The following ZFYVE21 variants were observed in gnomAD, a reference collection of about 807,000 sequenced individuals.
The protein encoded by ZFYVE21 is zinc finger FYVE domain-containing protein 21.
Under a neutral mutation model 29.5 loss-of-function variants are expected in ZFYVE21, and 21 were observed. The observed-to-expected ratio is 0.71, with a 90% CI of 0.50 to 1.02. ZFYVE21 has a LOEUF of 1.02. ZFYVE21 is among the 50% of genes least tolerant of loss of function. ZFYVE21 has a pLI of 0.00. For synonymous variants in ZFYVE21, 151 were observed against 133.8 expected, an observed-to-expected ratio of 1.13 and a Z score of -0.89; for missense variants, 326 against 335.4, an observed-to-expected ratio of 0.97 and a Z score of 0.22.
intron 5 of ZFYVE21, 154 bp from the exon 6 acceptor site, chr14:103,732,466 T>C (rs2083990487): frequency 1.2e-6 from 1 of 858,964 alleles, no homozygotes; most frequent in South Asian, 2.5e-5. Context: ...GAGGAGATGG[T>C]GTTCCCTGGG....
intron 1 of ZFYVE21, among the ~76,000 whole-genome samples, chr14:103,718,172 A>C (rs908856760): frequency 6.6e-6 from 1 of 152,206 alleles, no homozygotes; most frequent in African/African-American, 2.4e-5. Context: ...AGAACTTGGC[A>C]GGTGGGTAAC....
chr14:103,726,789 T>C lies in ZFYVE21; in HGVS notation c.139-3T>C, dbSNP rs368245977. On this transcript the variant is annotated splice_region_variant and splice_polypyrimidine_tract_variant and intron_variant, in intron 1 of 6. Transcript: ENST00000311141. The stretch of plus-strand genomic sequence containing the variant: ...TTTTAACGCTTTGTCGTGTCTTTCC[T>C]AGTGTCGGAGATGTATGCAGTGTGA... 6.2e-7 allele frequency: 1 copy of C among 1,613,804 alleles called. No individual in the cohort carries two copies.
chr14:103,727,531 AT>A, intron 2 of ZFYVE21: 1 of 707,788 alleles, frequency 1.4e-6, no homozygotes, highest in Non-Finnish European at 2.5e-6. Flanking sequence ...TTGATCCATG[AT>A]TTTGAAAAAA....
chr14:103,728,537 T>A (rs2083948990), intron 3 of ZFYVE21, among the ~76,000 whole-genome samples: 2 of 152,176 alleles, frequency 1.3e-5, no homozygotes. Flanking sequence ...TGGGCTTTGT[T>A]GTGCCTCCTT....
intron 1 of ZFYVE21, among the ~76,000 whole-genome samples, chr14:103,723,528 T>C (rs1020531136): frequency 4.6e-5 from 7 of 152,200 alleles, no homozygotes; most frequent in Non-Finnish European, 8.8e-5. Context: ...TCGTGGGATC[T>C]CACAAAGCTC....
chr14:103,728,857 A>T, intron 3 of ZFYVE21, 51 bp from the exon 4 acceptor site: 1 of 1,577,958 alleles, frequency 6.3e-7, no homozygotes, highest in Non-Finnish European at 8.7e-7. Context: ...GGGAAGGGTT[A>T]GGTGGAAAAG....
rs369964105 is a variant in ZFYVE21 at position 103,732,974 on chromosome 14, G to A, written c.670-9G>A. ...AGGCCTCACTGTGTTGATCTTGTCT[G>A]ATCTGCAGGCTGCCAAGCTCCTCTA... On this transcript the variant is annotated splice_polypyrimidine_tract_variant and intron_variant, in intron 6 of 6. Transcript: ENST00000311141. 6.2e-6 allele frequency: 10 copies of A among 1,614,026 alleles called. No individual in the cohort carries two copies. Among genetic ancestry groups the A allele is most frequent in the Non-Finnish European group, 8.5e-6 (10 of 1,180,042 alleles).
rs747467782 is a variant in ZFYVE21, at chr14:103,732,748, G to A, written c.655G>A (p.Val219Met). 1 of 1,612,690 alleles carries A rather than the reference G, an allele frequency of 6.2e-7. No individual in the cohort carries two copies. Among genetic ancestry groups the A allele is most frequent in the South Asian group, 1.1e-5 (1 of 90,904 alleles). ...VGRRQAVAWLVAMHKAAKLLY... is the reference protein window; with the variant it reads ...VGRRQAVAWLMAMHKAAKLLY... ...CAGGAGGCAGGCGGTGGCGTGGCTA[G>A]TGGCCATGCACAAGGTACCTGAGCC... The change falls in exon 6 of 7, where the codon GTG (valine) becomes ATG (methionine). Residue 219 changes from valine (V) to methionine (M), a missense_variant. Physicochemically the swap from Val to Met is conservative, Grantham distance 21 (BLOSUM62 1). Transcript: ENST00000311141.
chr14:103,721,159 T>G (rs1193711681), intron 1 of ZFYVE21, among the ~76,000 whole-genome samples: 2 of 152,176 alleles, frequency 1.3e-5, no homozygotes, highest in East Asian at 3.9e-4. Context: ...GCCATCTTGC[T>G]TACCCACCGG....
Position 103,727,731 on chromosome 14 carries a change from C to T in ZFYVE21, c.190-15C>T, listed in dbSNP as rs768391633. On this transcript the variant is annotated splice_polypyrimidine_tract_variant and intron_variant, in intron 2 of 6. Coordinates refer to ENST00000311141, the MANE Select transcript of ZFYVE21 (RefSeq NM_024071.4). ...CCTGCCCCTCCTCACTGCCAATCCT[C>T]CCGCATCTGCCCAGCACCACTGTCG... The T allele has an allele frequency of 5.6e-6, 9 of 1,601,836 alleles. No individual in the cohort carries two copies. In the Middle Eastern group the frequency reaches 6.6e-4, roughly 117 times the overall value.
intron 5 of ZFYVE21, chr14:103,730,184 T>G: frequency 1.6e-5 from 5 of 306,654 alleles, no homozygotes; most frequent in East Asian, 1.4e-4. Flanking sequence ...AACACTGCCC[T>G]TCCCCCCGAG....
chr14:103,724,067 CTA>C (rs1264103686), intron 1 of ZFYVE21, among the ~76,000 whole-genome samples: 2 of 152,186 alleles, frequency 1.3e-5, no homozygotes, highest in Admixed American at 1.3e-4. Context: ...GTCCCCATGC[CTA>C]TGAGGGAGAG....
chr14:103,720,904 C>T (rs923409370), intron 1 of ZFYVE21, among the ~76,000 whole-genome samples: 3 of 152,200 alleles, frequency 2.0e-5, no homozygotes, highest in African/African-American at 7.2e-5. Context: ...CTCACTTCAG[C>T]CTTCACCTCC....
In ZFYVE21 at chr14:103,716,041, C is replaced by T. The variant is rs1178336188; in HGVS notation, c.138+62C>T. On this transcript the variant is annotated intron_variant, in intron 1 of 6. Coordinates refer to ENST00000311141, the MANE Select transcript of ZFYVE21 (RefSeq NM_024071.4). The surrounding 1 kb of genome is among the most constrained non-coding windows in gnomAD (Gnocchi z 4.8). The stretch of plus-strand genomic sequence containing the variant: ...GCCCCGCCGCCCCGGCCCGGCCCCG[C>T]GGGCTTCCAGGCTCCCGCGACGACC... 4 of 1,174,836 alleles carry T rather than the reference C, an allele frequency of 3.4e-6. No homozygotes were observed. The Admixed American group carries it at 1.4e-4, about 41-fold the overall frequency. The allele number at this position is 1,174,836 out of a possible 1,614,324, so 72.8% of individuals were successfully genotyped here. A position where few individuals can be genotyped will look rare whatever the true frequency, so the allele number is the denominator to read the frequency against.
At chr14:103,726,947 C>CGTTTTTTTGTTT (rs1555430528) in intron 2 of ZFYVE21, 105 bp downstream of exon 2, 2 of 679,998 alleles carry the variant, frequency 2.9e-6, no homozygotes, top group East Asian at 3.7e-5. Flanking sequence ...TCTTATGGCT[C>CGTTTTTTTGTTT]GTTTTTTTTT....
chr14:103,730,743 T>G (rs983733116), intron 5 of ZFYVE21: 7 of 152,366 alleles, frequency 4.6e-5, no homozygotes, highest in African/African-American at 1.7e-4. Flanking sequence ...CTGGGCCCTG[T>G]AGGGCAGGCC....
At position 103,729,923 on chromosome 14, in the gene ZFYVE21, A is replaced by C. The variant is rs183098075; in HGVS notation, c.526+741A>C. On this transcript the variant is annotated intron_variant, in intron 5 of 6. Coordinates refer to ENST00000311141, the MANE Select transcript of ZFYVE21 (RefSeq NM_024071.4). ...TCCCCTCGCCACCTGGCTTCTGTCC[A>C]CGGGGTGGTCCATGCCAAGGTTCTT... The C allele has an allele frequency of 4.7e-6, 7 of 1,491,698 alleles. No homozygotes were observed. The East Asian group carries it at 1.5e-4, about 32-fold the overall frequency. The allele number at this position is 1,491,698 out of a possible 1,614,324, so 92.4% of individuals were successfully genotyped here.
chr14:103,725,620 C>G (rs2083916452), intron 1 of ZFYVE21: 1 of 152,278 alleles, frequency 6.6e-6, no homozygotes. Flanking sequence ...GTGAGGGCCT[C>G]CTGGCAGGGG....
In ZFYVE21 at chr14:103,715,821, C is replaced by T. The variant is rs2083796717; in HGVS notation, c.-21C>T. 1.5e-6 allele frequency: 2 copies of T among 1,357,388 alleles called. No homozygotes were observed. The highest frequency in any genetic ancestry group is 1.5e-5 in the African/African-American group (1 of 65,660). 84.1% of individuals were successfully genotyped at this position (1,357,388 alleles called of 1,614,324 possible). ...GAGGGGCCGGGTGCGGGGCCGCTGG[C>T]CGAGAGGCTGAGGCGGCGTCATGTC... On this transcript the variant is annotated 5_prime_UTR_variant, in exon 1 of 7. Transcript: ENST00000311141.
Sources: gnomAD v4.1 joint callset for allele counts (sites outside exome capture counted in the v4.1 genomes callset) on GRCh38, gnomAD v4.1.1 for gene constraint, Gnocchi (gnomAD v3.1) non-coding constraint, MANE v1.5 for transcripts, NCBI Gene and HGNC (gene_info 2026-07-23, HGNC 2026-07-21) for gene names.